The following HEMK2 variants were observed in gnomAD, a reference collection of about 807,000 sequenced individuals.
HEMK2 encodes HemK methyltransferase 2, ETF1 glutamine and histone H4 lysine, also known as methyltransferase HEMK2.
At chr21:28,595,650 A>G in the HEMK2 span, among the ~76,000 whole-genome samples, 3 of 152,174 alleles carry the variant, frequency 2.0e-5, no homozygotes, top group Admixed American at 1.3e-4. Flanking sequence ...GAGTGCACAT[A>G]TCTCTTCGAT....
chr21:28,877,581 GAAGA>G, the HEMK2 span, among the ~76,000 whole-genome samples: 70,544 of 146,332 alleles, frequency 0.48, 19,226 homozygotes, highest in Non-Finnish European at 0.62. Flanking sequence ...AAGAAGAAAG[GAAGA>G]AAGAAAGATG....
chr21:28,606,673 C>A, the HEMK2 span, among the ~76,000 whole-genome samples: 1 of 152,134 alleles, frequency 6.6e-6, no homozygotes, highest in Admixed American at 6.5e-5. Context: ...TCATTTATTT[C>A]AAGCTATGCA....
At chr21:28,829,846 C>T in the HEMK2 span, among the ~76,000 whole-genome samples, 1 of 152,076 alleles carries the variant, frequency 6.6e-6, no homozygotes, top group African/African-American at 2.4e-5. Flanking sequence ...TTCATTGATA[C>T]CCATTATAAT....
At chr21:28,801,461 T>C in the HEMK2 span, among the ~76,000 whole-genome samples, 3 of 152,158 alleles carry the variant, frequency 2.0e-5, no homozygotes, top group African/African-American at 7.2e-5. Flanking sequence ...AGGGAAGATC[T>C]TTCTAGCCAT....
At chr21:28,605,039 C>T in the HEMK2 span, among the ~76,000 whole-genome samples, 1 of 152,196 alleles carries the variant, frequency 6.6e-6, no homozygotes, top group African/African-American at 2.4e-5. Context: ...AGGCATGTAT[C>T]ATGTAGGATT....
chr21:28,824,674 C>A, the HEMK2 span, among the ~76,000 whole-genome samples: 1 of 152,164 alleles, frequency 6.6e-6, no homozygotes, highest in Non-Finnish European at 1.5e-5. Context: ...GATAGAGAGT[C>A]TTTGAACAGT....
chr21:28,650,051 T>A, the HEMK2 span, among the ~76,000 whole-genome samples: 1 of 152,172 alleles, frequency 6.6e-6, no homozygotes, highest in African/African-American at 2.4e-5. Context: ...AATGTTGAAA[T>A]GGATGAATGC....
chr21:28,821,597 G>A, the HEMK2 span, among the ~76,000 whole-genome samples: 1 of 152,128 alleles, frequency 6.6e-6, no homozygotes, highest in Non-Finnish European at 1.5e-5. Context: ...CAATGGCAGA[G>A]TACCAAAGAA....
chr21:28,687,898 GAC>G, the HEMK2 span, among the ~76,000 whole-genome samples: 1 of 152,168 alleles, frequency 6.6e-6, no homozygotes, highest in African/African-American at 2.4e-5. Flanking sequence ...GTTAAAATTT[GAC>G]TCTTTAATTT....
chr21:28,593,545 AT>A, the HEMK2 span, among the ~76,000 whole-genome samples: 1 of 152,182 alleles, frequency 6.6e-6, no homozygotes, highest in Non-Finnish European at 1.5e-5. Flanking sequence ...CTTCAGAGAA[AT>A]GGCTGATTCC....
chr21:28,762,228 A>T, the HEMK2 span, among the ~76,000 whole-genome samples: 1 of 152,096 alleles, frequency 6.6e-6, no homozygotes, highest in East Asian at 1.9e-4. Flanking sequence ...TAATACCATT[A>T]TTGGCCCAAG....
the HEMK2 span, among the ~76,000 whole-genome samples, chr21:28,826,953 T>G: frequency 6.6e-6 from 1 of 152,106 alleles, no homozygotes; most frequent in South Asian, 2.1e-4. Context: ...AACAGAGGGA[T>G]CCGACGAGGA....
chr21:28,651,556 T>G, the HEMK2 span, among the ~76,000 whole-genome samples: 1 of 152,242 alleles, frequency 6.6e-6, no homozygotes, highest in Non-Finnish European at 1.5e-5. Context: ...AGTTGCAATT[T>G]GAGTTCAATC....
the HEMK2 span, among the ~76,000 whole-genome samples, chr21:28,738,833 A>G: frequency 1.6e-4 from 24 of 152,384 alleles, no homozygotes; most frequent in East Asian, 4.4e-3. Flanking sequence ...GGCCAACTTC[A>G]GCACATGCAC....
At chr21:28,849,905 A>G in the HEMK2 span, among the ~76,000 whole-genome samples, 1 of 152,230 alleles carries the variant, frequency 6.6e-6, no homozygotes, top group Non-Finnish European at 1.5e-5. Context: ...GGCATCCCTG[A>G]GAAAGAGAGA....
At chr21:28,592,752 AAG>A in the HEMK2 span, among the ~76,000 whole-genome samples, 1 of 152,218 alleles carries the variant, frequency 6.6e-6, no homozygotes, top group Non-Finnish European at 1.5e-5. Context: ...AGGAGACTGA[AAG>A]CTTACTGTTG....
At chr21:28,691,037 T>C in the HEMK2 span, among the ~76,000 whole-genome samples, 267 of 152,306 alleles carry the variant, frequency 1.8e-3, 1 homozygote, top group African/African-American at 6.1e-3. Flanking sequence ...GTTATAGGTG[T>C]TGCTGTACTT....
the HEMK2 span, among the ~76,000 whole-genome samples, chr21:28,766,197 T>C: frequency 3.3e-5 from 5 of 151,984 alleles, no homozygotes; most frequent in African/African-American, 1.2e-4. Flanking sequence ...GAGAAATACC[T>C]AATGTAAATG....
the HEMK2 span, among the ~76,000 whole-genome samples, chr21:28,845,490 C>T: frequency 6.6e-6 from 1 of 151,986 alleles, no homozygotes. Context: ...ATTTTACTGC[C>T]TTATGTTTAT....
Sources: allele counts gnomAD v4.1 joint callset (sites outside exome capture counted in the v4.1 genomes callset), GRCh38; gene constraint gnomAD v4.1.1; transcripts MANE v1.5; gene names NCBI Gene and HGNC (gene_info 2026-07-23, HGNC 2026-07-21).